The following SHANK2 variants were observed in gnomAD, a reference collection of about 807,000 sequenced individuals.
SHANK2 encodes SH3 and multiple ankyrin repeat domains protein 2.
Under a neutral mutation model 133.7 loss-of-function variants are expected in SHANK2, and 43 were observed. The ratio of observed to expected loss-of-function variants is 0.32; its 90% CI spans 0.25 to 0.41. The LOEUF (loss-of-function observed/expected upper bound fraction) is 0.41. SHANK2 is among the 10% of genes least tolerant of loss of function. SHANK2 has a pLI of 1.00. For missense variants in SHANK2, 1,994 were observed against 2,235.8 expected, an observed-to-expected ratio of 0.89 and a Z score of 2.18; for synonymous variants, 1,017 against 952.8, an observed-to-expected ratio of 1.07 and a Z score of -1.24.
At chr11:70,593,236 G>A (rs782189415) in intron 17 of SHANK2, among the ~76,000 whole-genome samples, 19 of 152,156 alleles carry the variant, frequency 1.2e-4, no homozygotes, top group African/African-American at 1.4e-4. Flanking sequence ...CAGTCTCCAC[G>A]CAGTTCTGAG....
intron 17 of SHANK2, among the ~76,000 whole-genome samples, chr11:70,519,318 A>G (rs1218919070): frequency 1.3e-5 from 2 of 152,202 alleles, no homozygotes; most frequent in Non-Finnish European, 2.9e-5. Flanking sequence ...ATCAGTTTTC[A>G]TGTGAATGAG....
At chr11:71,179,821 C>G (rs936460728) in intron 2 of SHANK2, among the ~76,000 whole-genome samples, 1 of 152,168 alleles carries the variant, frequency 6.6e-6, no homozygotes, top group African/African-American at 2.4e-5. Flanking sequence ...CAAAACAACT[C>G]TATTTACAAA....
chr11:70,784,481 C>T lies in SHANK2; in HGVS notation c.1777+13962G>A, dbSNP rs549468391. Among the ~76,000 whole-genome samples the T allele has an allele frequency of 7.3e-5, 11 of 150,036 alleles. No homozygotes were observed. The South Asian group carries it at 8.5e-4, about 12-fold the overall frequency. On this transcript the variant is annotated intron_variant, in intron 14 of 25. Coordinates refer to ENST00000601538, the MANE Select transcript of SHANK2 (RefSeq NM_012309.5). ...AGGCGATTCTCGTGCCTCAGCCTCT[C>T]GAGTAGCTAGGATTACAGGTGTCAT...
chr11:70,742,244 G>T (rs1331588858), intron 14 of SHANK2, among the ~76,000 whole-genome samples: 4 of 152,076 alleles, frequency 2.6e-5, no homozygotes, highest in African/African-American at 9.7e-5. Context: ...TCCTCCTTCT[G>T]CTGGCAATCT....
At chr11:70,728,033 C>T (rs1946210711) in intron 14 of SHANK2, among the ~76,000 whole-genome samples, 1 of 152,176 alleles carries the variant, frequency 6.6e-6, no homozygotes, top group African/African-American at 2.4e-5. Flanking sequence ...GCTATAAATG[C>T]TTTGGAAAAG....
At position 70,774,332 on chromosome 11, in the gene SHANK2, T is replaced by G. The variant is rs571998929; in HGVS notation, c.1777+24111A>C. Among the ~76,000 whole-genome samples, 56 of 152,058 alleles carry G rather than the reference T, an allele frequency of 3.7e-4. No individual in the cohort carries two copies. The South Asian group carries it at 0.011, about 31-fold the overall frequency. ...AAATCGGGGAGTGACTTTTGTTTTTTTTTTTGAGATGGAGTCTTACTCTGT... is the reference window on the plus strand; with the variant it reads ...AAATCGGGGAGTGACTTTTGTTTTTGTTTTTGAGATGGAGTCTTACTCTGT... On this transcript the variant is annotated intron_variant, in intron 14 of 25. Coordinates refer to ENST00000601538, the MANE Select transcript of SHANK2 (RefSeq NM_012309.5).
intron 25 of SHANK2, among the ~76,000 whole-genome samples, chr11:70,481,284 C>G (rs553953289): frequency 6.6e-6 from 1 of 152,188 alleles, no homozygotes; most frequent in African/African-American, 2.4e-5. Flanking sequence ...AATTAAGACG[C>G]CTGCAAATTC....
In SHANK2 at chr11:71,218,764, T is replaced by C. The variant is rs1371583257; in HGVS notation, c.-13+5933A>G. 2.6e-5 allele frequency among the ~76,000 whole-genome samples: 4 copies of C among 152,242 alleles called. No homozygotes were observed. In the East Asian group the frequency reaches 7.7e-4, roughly 29 times the overall value. Reference sequence around the variant, plus strand: ...CAATGACCCCTGAACCAGACACAAGTTGCAGTGGCAGCATAAACAGCACTG... The same window carrying C: ...CAATGACCCCTGAACCAGACACAAGCTGCAGTGGCAGCATAAACAGCACTG... On this transcript the variant is annotated intron_variant, in intron 2 of 25. Coordinates refer to ENST00000601538, the MANE Select transcript of SHANK2 (RefSeq NM_012309.5).
chr11:70,596,442 AG>A (rs574621761), intron 17 of SHANK2, among the ~76,000 whole-genome samples: 1 of 152,128 alleles, frequency 6.6e-6, no homozygotes, highest in South Asian at 2.1e-4. Context: ...AAGAGCTCTG[AG>A]GACCCCCTAC....
At chr11:70,915,509 A>G (rs1481206899) in intron 10 of SHANK2, among the ~76,000 whole-genome samples, 7 of 152,234 alleles carry the variant, frequency 4.6e-5, no homozygotes, top group South Asian at 2.1e-4. Flanking sequence ...GGAGTGCCTA[A>G]CCACTCCCAT....
intron 2 of SHANK2, among the ~76,000 whole-genome samples, chr11:71,191,489 A>G (rs1181155999): frequency 1.3e-5 from 2 of 151,712 alleles, no homozygotes; most frequent in Admixed American, 6.6e-5. Flanking sequence ...CCCTCCACGC[A>G]TCCCTCATAG....
Position 70,938,504 on chromosome 11 carries a change from A to G in SHANK2, c.1108-41937T>C, listed in dbSNP as rs191864306. Among the ~76,000 whole-genome samples, 3 of 152,350 alleles carry G rather than the reference A, an allele frequency of 2.0e-5. No homozygotes were observed. The East Asian group carries it at 5.8e-4, about 29-fold the overall frequency. ...AGGCACAGAGGCTATCAGGGGACTTATAAAAATACATATATGTGTCATTTT... is the reference window on the plus strand; with the variant it reads ...AGGCACAGAGGCTATCAGGGGACTTGTAAAAATACATATATGTGTCATTTT... On this transcript the variant is annotated intron_variant, in intron 10 of 25. Transcript: ENST00000601538.
At chr11:71,178,726 G>A (rs1953492901) in intron 2 of SHANK2, among the ~76,000 whole-genome samples, 1 of 152,224 alleles carries the variant, frequency 6.6e-6, no homozygotes, top group Admixed American at 6.5e-5. Context: ...ACTCACACCT[G>A]TAATCCCAGC....
intron 2 of SHANK2, among the ~76,000 whole-genome samples, chr11:71,182,026 A>G (rs1555113863): frequency 6.6e-6 from 1 of 152,112 alleles, no homozygotes; most frequent in African/African-American, 2.4e-5. Flanking sequence ...TCTCCCCCTC[A>G]TAGAGGATGG....
chr11:70,649,412 C>T (rs2061313307), intron 17 of SHANK2, among the ~76,000 whole-genome samples: 1 of 152,176 alleles, frequency 6.6e-6, no homozygotes, highest in African/African-American at 2.4e-5. Context: ...CCTTCTCATC[C>T]CACTCTGCTT....
chr11:71,183,290 G>A (rs1953598859), intron 2 of SHANK2, among the ~76,000 whole-genome samples: 1 of 152,146 alleles, frequency 6.6e-6, no homozygotes, highest in Non-Finnish European at 1.5e-5. Context: ...ATGAGACCCT[G>A]GATGGAACAG....
chr11:70,813,589 G>T (rs781848878), intron 12 of SHANK2, among the ~76,000 whole-genome samples: 2 of 152,054 alleles, frequency 1.3e-5, no homozygotes, highest in Non-Finnish European at 2.9e-5. Context: ...TCCAGGTTAC[G>T]GCTCACGCAG....
chr11:70,659,007 C>T (rs2061446735), intron 17 of SHANK2, among the ~76,000 whole-genome samples: 1 of 152,312 alleles, frequency 6.6e-6, no homozygotes, highest in African/African-American at 2.4e-5. Context: ...CTTTTTCAAC[C>T]TGTAACATTC....
intron 17 of SHANK2, among the ~76,000 whole-genome samples, chr11:70,640,882 T>C (rs1555006071): frequency 1.3e-5 from 2 of 152,050 alleles, no homozygotes; most frequent in African/African-American, 2.4e-5. Flanking sequence ...CTTAGCACCA[T>C]GAGTGCAGGC....
Sources: gnomAD v4.1 joint callset for allele counts (sites outside exome capture counted in the v4.1 genomes callset) on GRCh38, gnomAD v4.1.1 for gene constraint, MANE v1.5 for transcripts, NCBI Gene and HGNC (gene_info 2026-07-23, HGNC 2026-07-21) for gene names.